Variants in KIAA0232 observed in about 807,000 individuals in gnomAD.
The protein encoded by KIAA0232 is KIAA0232, also known as uncharacterized protein KIAA0232.
KIAA0232 carries 27 observed loss-of-function variants against 122.0 expected under a neutral mutation model. The observed-to-expected ratio is 0.22, with a 90% confidence interval of 0.16 to 0.31. KIAA0232 has a LOEUF of 0.31. Ranked by LOEUF, KIAA0232 falls within the 10% of genes least tolerant of loss-of-function variation. KIAA0232 has a pLI of 1.00. For synonymous variants in KIAA0232, 613 were observed against 587.6 expected, an observed-to-expected ratio of 1.04 and a Z score of -0.63; for missense variants, 1,551 against 1,634.2, an observed-to-expected ratio of 0.95 and a Z score of 0.88.
At chr4:6,820,388 A>G (rs1216844140) in intron 2 of KIAA0232, among the ~76,000 whole-genome samples, 1 of 152,230 alleles carries the variant, frequency 6.6e-6, no homozygotes, top group African/African-American at 2.4e-5. Flanking sequence ...TTCTGTGGAA[A>G]AAATTAAGTG....
chr4:6,787,040 G>C lies in KIAA0232; in HGVS notation c.-354+4199G>C, dbSNP rs376545591. 1.9e-4 allele frequency among the ~76,000 whole-genome samples: 29 copies of C among 152,056 alleles called. No individual in the cohort carries two copies. In the East Asian group the frequency reaches 4.3e-3, roughly 22 times the overall value. ...TACTAAAAATACAAAAATTATCCGG[G>C]CATGGTGGAGCACGCCTATAGTCCC... On this transcript the variant is annotated intron_variant, in intron 1 of 9. Transcript: ENST00000307659.
chr4:6,813,689 A>G (rs1577366778), intron 2 of KIAA0232, among the ~76,000 whole-genome samples: 1 of 152,130 alleles, frequency 6.6e-6, no homozygotes, highest in South Asian at 2.1e-4. Context: ...CTCCCCCTTA[A>G]TGGACAAACC....
In KIAA0232 at chr4:6,818,399, C is replaced by CAA. The variant is rs34255308; in HGVS notation, c.-269-5768_-269-5767dup. The stretch of plus-strand genomic sequence containing the variant: ...TGGGCAACAGAGCAAGACTCCGTCT[C>CAA]AAAAAAAAAAAAAAAAAAAGAATAC... On this transcript the variant is annotated intron_variant, in intron 2 of 9. Coordinates refer to ENST00000307659, the MANE Select transcript of KIAA0232 (RefSeq NM_014743.3). Among the ~76,000 whole-genome samples, 147 of 81,860 alleles carry CAA rather than the reference C, an allele frequency of 1.8e-3. 3 individuals carry two copies. In the East Asian group the frequency reaches 0.021, roughly 12 times the overall value. 53.7% of individuals were successfully genotyped at this position (81,860 alleles called of 152,430 possible). A position where few individuals can be genotyped will look rare whatever the true frequency, so the allele number is the denominator to read the frequency against.
Position 6,824,282 on chromosome 4 carries a change from G to T in KIAA0232, c.-172G>T. On this transcript the variant is annotated 5_prime_UTR_variant, in exon 3 of 10. The change abolishes an upstream ATG in the 5' untranslated region. Transcript: ENST00000307659. The stretch of plus-strand genomic sequence containing the variant: ...ATCAGGATGTTGATTCATTAGTCAT[G>T]CCTGAAGAGGGAAAGTCTGTTTTAG... 1 of 627,258 alleles carries T rather than the reference G, an allele frequency of 1.6e-6. No homozygotes were observed. Among genetic ancestry groups the T allele is most frequent in the Non-Finnish European group, 2.9e-6 (1 of 348,116 alleles). The allele number at this position is 627,258 out of a possible 1,614,324, so 38.9% of individuals were successfully genotyped here. A position where few individuals can be genotyped will look rare whatever the true frequency, so the allele number is the denominator to read the frequency against.
chr4:6,823,127 C>T (rs1265649807), intron 2 of KIAA0232, among the ~76,000 whole-genome samples: 1 of 151,600 alleles, frequency 6.6e-6, no homozygotes, highest in Non-Finnish European at 1.5e-5. Flanking sequence ...TTTATGGCTG[C>T]ATAGTATTCC....
At chr4:6,848,758 G>A (rs1720110755) in intron 4 of KIAA0232, among the ~76,000 whole-genome samples, 1 of 152,130 alleles carries the variant, frequency 6.6e-6, no homozygotes, top group East Asian at 1.9e-4. Flanking sequence ...AACATTTATT[G>A]AGCACTTAAA....
rs1317281691 is a variant in KIAA0232 at position 6,861,466 on chromosome 4, C to T, written c.1084C>T (p.Leu362=). The T allele has an allele frequency of 6.8e-6, 11 of 1,614,036 alleles. No homozygotes were observed. The highest frequency in any genetic ancestry group is 2.7e-5 in the African/African-American group (2 of 74,920). ...TAGCAGCAGTGGTTCTGTCAAACAG[C>T]TGTGCAAGCGGGGTAAGAGACCTTT... The part of the protein sequence containing the change: ...SSSSSGSVKQ[L]CKRGKRPLKE... The change falls in exon 7 of 10, where the codon CTG becomes TTG. Residue 362 remains leucine (L), a synonymous_variant. Coordinates refer to ENST00000307659, the MANE Select transcript of KIAA0232 (RefSeq NM_014743.3).
intron 2 of KIAA0232, among the ~76,000 whole-genome samples, chr4:6,818,752 A>AG (rs1718267957): frequency 6.6e-6 from 1 of 152,146 alleles, no homozygotes; most frequent in African/African-American, 2.4e-5. Context: ...GAACCAAAAA[A>AG]CAGCCAGAGT....
chr4:6,845,787 CAG>C (rs972633452), intron 4 of KIAA0232, among the ~76,000 whole-genome samples: 22 of 152,116 alleles, frequency 1.4e-4, no homozygotes, highest in African/African-American at 5.3e-4. Flanking sequence ...GGGGAAATGA[CAG>C]GGGCAGCTGA....
chr4:6,876,587 T>C (rs541443032), intron 8 of KIAA0232, 73 bp from the exon 9 acceptor site: 1 of 1,010,412 alleles, frequency 9.9e-7, no homozygotes, highest in African/African-American at 1.6e-5. Context: ...AACAAGAATG[T>C]ATGTTTCATA....
chr4:6,862,701 T>C lies in KIAA0232; in HGVS notation c.2319T>C (p.Thr773=). The C allele has an allele frequency of 1.2e-6, 2 of 1,611,510 alleles. No homozygotes were observed. Among genetic ancestry groups the C allele is most frequent in the Non-Finnish European group, 1.7e-6 (2 of 1,179,344 alleles). Residue 773 remains threonine, a synonymous_variant, in exon 7 of 10, where the codon ACT becomes ACC. Transcript: ENST00000307659. ...QDETCQQNSR[T]LGEIPTLVFK... is the part of the protein sequence containing the mutation. Reference sequence around the variant, plus strand: ...AAACTTGCCAGCAAAACAGTAGAACTTTAGGTGAGATTCCTACATTAGTTT... The same window carrying C: ...AAACTTGCCAGCAAAACAGTAGAACCTTAGGTGAGATTCCTACATTAGTTT...
Position 6,882,645 on chromosome 4 carries a change from T to C in KIAA0232, c.*1679T>C, listed in dbSNP as rs1458864958. On this transcript the variant is annotated 3_prime_UTR_variant, in exon 10 of 10. Transcript: ENST00000307659. ...GGGTGGGTGTGTGTGTGTGTGTGTG[T>C]GTGCGCGCGTGCGCGCGCGCATGTG... The C allele has an allele frequency of 1.3e-5, 2 of 152,104 alleles. No individual in the cohort carries two copies. The highest frequency in any genetic ancestry group is 2.4e-5 in the African/African-American group (1 of 41,292). The allele number at this position is 152,104 out of a possible 1,614,324, so 9.4% of individuals were successfully genotyped here.
chr4:6,840,571 C>G (rs1719592997), intron 3 of KIAA0232, among the ~76,000 whole-genome samples: 1 of 152,132 alleles, frequency 6.6e-6, no homozygotes, highest in African/African-American at 2.4e-5. Flanking sequence ...CCTGTAGTGT[C>G]TAGAAAAGTA....
chr4:6,802,499 T>C (rs185422270), intron 1 of KIAA0232, among the ~76,000 whole-genome samples: 3 of 152,254 alleles, frequency 2.0e-5, no homozygotes, highest in Non-Finnish European at 4.4e-5. Flanking sequence ...TGGAGAAATA[T>C]GGGGTAAGTC....
intron 2 of KIAA0232, among the ~76,000 whole-genome samples, chr4:6,816,866 T>C (rs775580913): frequency 1.3e-5 from 2 of 152,186 alleles, no homozygotes; most frequent in Admixed American, 6.5e-5. Flanking sequence ...ATTTAAGTTA[T>C]TGAATTTATT....
chr4:6,818,122 G>A (rs1454973055), intron 2 of KIAA0232, among the ~76,000 whole-genome samples: 4 of 152,062 alleles, frequency 2.6e-5, no homozygotes, highest in African/African-American at 4.8e-5. Flanking sequence ...ACATTCCCAG[G>A]CTGGGTGAAG....
chr4:6,879,777 G>A (rs964071714), intron 9 of KIAA0232, among the ~76,000 whole-genome samples: 1 of 150,918 alleles, frequency 6.6e-6, no homozygotes, highest in South Asian at 2.1e-4. Flanking sequence ...TCAGCTGAGC[G>A]GGCCTCTTCT....
intron 2 of KIAA0232, among the ~76,000 whole-genome samples, chr4:6,809,624 AGAG>A (rs1474871878): frequency 1.0e-5 from 1 of 100,248 alleles, no homozygotes; most frequent in Non-Finnish European, 2.2e-5. Flanking sequence ...AAATTAGAAA[AGAG>A]GAGGTCAAAT....
chr4:6,850,385 G>A (rs549413608), intron 4 of KIAA0232, among the ~76,000 whole-genome samples: 88 of 152,140 alleles, frequency 5.8e-4, no homozygotes, highest in African/African-American at 2.0e-3. Flanking sequence ...GCTTATTTTC[G>A]TATGTTTACT....
Sources: gnomAD v4.1 joint callset for allele counts (sites outside exome capture counted in the v4.1 genomes callset) on GRCh38, gnomAD v4.1.1 for gene constraint, MANE v1.5 for transcripts, NCBI Gene and HGNC (gene_info 2026-07-23, HGNC 2026-07-21) for gene names.